The following MACROD2 variants were observed in gnomAD, a reference collection of about 807,000 sequenced individuals.
MACROD2 encodes ADP-ribose glycohydrolase MACROD2.
MACROD2 carries 36 observed loss-of-function variants against 70.4 expected under a neutral mutation model. The observed-to-expected ratio is 0.51, with a 90% CI of 0.39 to 0.68. MACROD2 has a LOEUF of 0.68. Among genes scored for constraint, MACROD2 ranks in the 30% least tolerant of loss-of-function variants. The pLI, the probability that MACROD2 is intolerant of heterozygous loss-of-function variation, is 0.00. For missense variants in MACROD2, 496 were observed against 538.4 expected (o/e 0.92, Z 0.78); for synonymous variants, 172 against 178.8 (o/e 0.96, Z 0.30).
At position 15,978,444 on chromosome 20, in the gene MACROD2, T is replaced by C. The variant is rs1312181086; in HGVS notation, c.986-8283T>C. Among the ~76,000 whole-genome samples, 8 of 152,200 alleles carry C rather than the reference T, an allele frequency of 5.3e-5. No individual in the cohort carries two copies. The East Asian group carries it at 1.5e-3, about 29-fold the overall frequency. Reference sequence around the variant, plus strand: ...ATTGTAAGCTGGTCACGAGATGATATGTGGTAAAGTTAACCGACAAAGAAC... The same window carrying C: ...ATTGTAAGCTGGTCACGAGATGATACGTGGTAAAGTTAACCGACAAAGAAC... On this transcript the variant is annotated intron_variant, in intron 13 of 17. Coordinates refer to ENST00000684519, the MANE Select transcript of MACROD2 (RefSeq NM_001351661.2).
intron 6 of MACROD2, among the ~76,000 whole-genome samples, chr20:15,271,641 AAAG>A (rs1324768989): frequency 6.6e-6 from 1 of 152,230 alleles, no homozygotes; most frequent in African/African-American, 2.4e-5. Flanking sequence ...ATCTTTGTTA[AAAG>A]AAGGATTACT....
At chr20:15,724,542 A>C (rs901298720) in intron 8 of MACROD2, among the ~76,000 whole-genome samples, 4 of 151,960 alleles carry the variant, frequency 2.6e-5, no homozygotes, top group African/African-American at 9.7e-5. Flanking sequence ...TTAAAAGACT[A>C]TCTTTGTTCT....
chr20:15,420,131 C>A (rs2046207870), intron 6 of MACROD2, among the ~76,000 whole-genome samples: 2 of 152,046 alleles, frequency 1.3e-5, no homozygotes, highest in African/African-American at 4.8e-5. Context: ...CAAGCTCAGG[C>A]AAAAATCAAG....
intron 6 of MACROD2, among the ~76,000 whole-genome samples, chr20:15,428,966 C>T (rs2046333306): frequency 6.6e-6 from 1 of 151,958 alleles, no homozygotes; most frequent in African/African-American, 2.4e-5. Flanking sequence ...CCATGGAATT[C>T]CTGGGGCTCA....
chr20:15,728,431 G>A (rs2050896195), intron 8 of MACROD2, among the ~76,000 whole-genome samples: 1 of 152,092 alleles, frequency 6.6e-6, no homozygotes, highest in African/African-American at 2.4e-5. Context: ...GAGTTAGTGA[G>A]GAGTCTTTCC....
chr20:15,206,798 G>T (rs1386966276), intron 5 of MACROD2, among the ~76,000 whole-genome samples: 14 of 134,580 alleles, frequency 1.0e-4, no homozygotes, highest in Admixed American at 3.4e-4. Flanking sequence ...CTGCAGTGGC[G>T]CAATCTCGGC....
At chr20:15,196,352 CATTA>C (rs1319160526) in intron 5 of MACROD2, among the ~76,000 whole-genome samples, 4 of 151,832 alleles carry the variant, frequency 2.6e-5, no homozygotes, top group Admixed American at 1.3e-4. Flanking sequence ...TTATTTAATT[CATTA>C]ATTAATAAGG....
At chr20:15,327,604 C>A (rs1222132805) in intron 6 of MACROD2, among the ~76,000 whole-genome samples, 2 of 152,058 alleles carry the variant, frequency 1.3e-5, no homozygotes, top group African/African-American at 2.4e-5. Context: ...ATGAGAACAG[C>A]ATGGGGGTAA....
intron 4 of MACROD2, among the ~76,000 whole-genome samples, chr20:14,610,055 T>C (rs545925492): frequency 1.2e-4 from 18 of 152,276 alleles, no homozygotes; most frequent in African/African-American, 4.3e-4. Flanking sequence ...AGCAGACATG[T>C]TCTGTAACCA....
intron 4 of MACROD2, among the ~76,000 whole-genome samples, chr20:14,619,435 G>GAAGGGAAAGGAGGGGAGGGGA (rs1983681022): frequency 1.3e-5 from 1 of 75,972 alleles, no homozygotes; most frequent in East Asian, 4.2e-4. Context: ...GGAAGGAAGG[G>GAAGGGAAAGGAGGGGAGGGGA]AGGGAGGGAG....
chr20:15,371,875 T>C (rs898154854), intron 6 of MACROD2, among the ~76,000 whole-genome samples: 7 of 152,220 alleles, frequency 4.6e-5, no homozygotes, highest in African/African-American at 1.7e-4. Flanking sequence ...CTACTCTTTT[T>C]AATTTGGTAT....
At chr20:14,960,890 C>G (rs767620663) in intron 5 of MACROD2, among the ~76,000 whole-genome samples, 1 of 152,046 alleles carries the variant, frequency 6.6e-6, no homozygotes, top group Non-Finnish European at 1.5e-5. Context: ...CAAGGGTGAA[C>G]AGCGATTAAA....
chr20:15,438,754 AT>A (rs2046458989), intron 7 of MACROD2, among the ~76,000 whole-genome samples: 1 of 152,172 alleles, frequency 6.6e-6, no homozygotes, highest in Non-Finnish European at 1.5e-5. Flanking sequence ...ACTTCTGCAT[AT>A]CCTTTGCACA....
At chr20:15,292,948 T>A (rs187386120) in intron 6 of MACROD2, among the ~76,000 whole-genome samples, 64 of 152,328 alleles carry the variant, frequency 4.2e-4, no homozygotes, top group African/African-American at 1.5e-3. Flanking sequence ...TTGCATATTA[T>A]CTGATGGAGT....
intron 5 of MACROD2, among the ~76,000 whole-genome samples, chr20:14,834,082 T>C (rs1644014632): frequency 1.3e-5 from 2 of 152,098 alleles, no homozygotes. Context: ...TGAAACTACA[T>C]AATATATTAG....
At position 14,327,282 on chromosome 20, in the gene MACROD2, A is replaced by G. The variant is rs181696592; in HGVS notation, c.272-166197A>G. ...TCAGCAAGTTTTTCAAATCTGAAGG[A>G]ATCCCAGCATTATTTATTTGGTTGT... On this transcript the variant is annotated intron_variant, in intron 3 of 17. Transcript: ENST00000684519. 2.5e-6 allele frequency: 4 copies of G among 1,613,860 alleles called. No individual in the cohort carries two copies. In the African/African-American group the frequency reaches 5.3e-5, roughly 22 times the overall value.
At chr20:15,778,563 T>A (rs551733318) in intron 8 of MACROD2, among the ~76,000 whole-genome samples, 4 of 152,220 alleles carry the variant, frequency 2.6e-5, no homozygotes, top group Admixed American at 6.5e-5. Flanking sequence ...GAAGATTTGA[T>A]GAGAATATTT....
chr20:14,423,435 C>G lies in MACROD2; in HGVS notation c.272-70044C>G, dbSNP rs547591302. On this transcript the variant is annotated intron_variant, in intron 3 of 17. Coordinates refer to ENST00000684519, the MANE Select transcript of MACROD2 (RefSeq NM_001351661.2). Reference sequence around the variant, plus strand: ...CTTGATGCGGCCTGGAGCGGTGGCTCACGCCTGTAATCCCAGCACTTTGGG... The same window carrying G: ...CTTGATGCGGCCTGGAGCGGTGGCTGACGCCTGTAATCCCAGCACTTTGGG... Among the ~76,000 whole-genome samples, 299 of 151,578 alleles carry G rather than the reference C, an allele frequency of 2.0e-3. 2 individuals carry two copies. The highest frequency in any genetic ancestry group is 6.2e-3 in the African/African-American group (257 of 41,362).
intron 8 of MACROD2, among the ~76,000 whole-genome samples, chr20:15,598,440 TG>T (rs1293873757): frequency 6.6e-6 from 1 of 152,150 alleles, no homozygotes; most frequent in Non-Finnish European, 1.5e-5. Flanking sequence ...GTCTGTTGCA[TG>T]TAGGTGTAAT....
Sources: gnomAD v4.1 joint callset for allele counts (sites outside exome capture counted in the v4.1 genomes callset) on GRCh38, gnomAD v4.1.1 for gene constraint, MANE v1.5 for transcripts, NCBI Gene and HGNC (gene_info 2026-07-23, HGNC 2026-07-21) for gene names.